Variants in LRP3 observed in about 807,000 individuals in gnomAD.
LRP3 encodes the protein low-density lipoprotein receptor-related protein 3.
Under a neutral mutation model 58.5 loss-of-function variants are expected in LRP3, and 49 were observed. The ratio of observed to expected loss-of-function variants is 0.84; its 90% CI spans 0.67 to 1.06. The LOEUF is 1.06. Ranked by LOEUF, LRP3 falls within the 50% of genes least tolerant of loss-of-function variation. The pLI is 0.00. For synonymous variants in LRP3, 485 were observed against 492.2 expected (o/e 0.99, Z 0.20); for missense variants, 1,019 against 1,134.2 (o/e 0.90, Z 1.46).
At position 33,208,460 on chromosome 19, in the gene LRP3, C is replaced by T; in HGVS notation, c.*885C>T. The T allele has an allele frequency of 3.9e-6, 1 of 257,484 alleles. No homozygotes were observed. The highest frequency in any genetic ancestry group is 7.6e-6 in the Non-Finnish European group (1 of 131,836). 15.9% of individuals were successfully genotyped at this position (257,484 alleles called of 1,614,324 possible). On this transcript the variant is annotated 3_prime_UTR_variant, in exon 7 of 7. Transcript: ENST00000253193. The surrounding 1 kb of genome is among the most constrained non-coding windows in gnomAD (Gnocchi z 4.7). ...GGTAGGGGCGGACTGAGCTGCTACC[C>T]CATCCTCGACATCCCTTTAGGGCAG...
At chr19:33,201,901 G>A (rs1974345116) in intron 2 of LRP3, among the ~76,000 whole-genome samples, 1 of 152,160 alleles carries the variant, frequency 6.6e-6, no homozygotes, top group South Asian at 2.1e-4. Context: ...TTAAAGCGAG[G>A]CCCATGGGGC....
In LRP3 at chr19:33,207,752, C is replaced by CCG; in HGVS notation, c.*177_*178insCG. ...GGGCGGGAGCTGTGGGACTGAACGG[C>CCG]GGGGGGGAGAAGAGTGGAGTGGTGA... is the stretch of plus-strand genomic sequence containing the variant. On this transcript the variant is annotated 3_prime_UTR_variant, in exon 7 of 7. Coordinates refer to ENST00000253193, the MANE Select transcript of LRP3 (RefSeq NM_002333.4). 3 of 563,292 alleles carry CCG rather than the reference C, an allele frequency of 5.3e-6. No individual in the cohort carries two copies. The highest frequency in any genetic ancestry group is 3.2e-5 in the Admixed American group (1 of 31,060). 34.9% of individuals were successfully genotyped at this position (563,292 alleles called of 1,614,324 possible).
At chr19:33,206,394 GCTT>G in intron 5 of LRP3, 32 bp downstream of exon 5, 4 of 1,601,514 alleles carry the variant, frequency 2.5e-6, no homozygotes, top group Non-Finnish European at 3.4e-6. Flanking sequence ...AGGGGACCGG[GCTT>G]CTTCATCACC....
rs75403729 is a variant in LRP3, at chr19:33,203,091, G to T, written c.260+105G>T. The T allele has an allele frequency of 1.0e-3, 1,335 of 1,330,752 alleles. 29 individuals are homozygous for T. The East Asian group carries it at 0.028, about 27-fold the overall frequency. The allele number at this position is 1,330,752 out of a possible 1,614,324, so 82.4% of individuals were successfully genotyped here. On this transcript the variant is annotated intron_variant, in intron 3 of 6. Coordinates refer to ENST00000253193, the MANE Select transcript of LRP3 (RefSeq NM_002333.4). The stretch of plus-strand genomic sequence containing the variant: ...AGGTGTGGAGGGCACACGCCTGAGG[G>T]TGTACATGTGTGTGAGCAGGTGTGG...
At chr19:33,204,956 T>A in intron 4 of LRP3, 104 bp downstream of exon 4, 1 of 1,095,554 alleles carries the variant, frequency 9.1e-7, no homozygotes, top group East Asian at 2.5e-5. Flanking sequence ...CCCGGCTCCC[T>A]GTGGGATGTC....
intron 4 of LRP3, 49 bp downstream of exon 4, chr19:33,204,901 TGCCCACAGGCTCCCG>T: frequency 6.4e-7 from 1 of 1,560,196 alleles, no homozygotes; most frequent in Middle Eastern, 1.7e-4. Flanking sequence ...ACACCGTGCA[TGCCCACAGGCTCCCG>T]GCCCACAGGG....
Position 33,205,279 on chromosome 19 carries a change from A to C in LRP3, c.509A>C (p.Glu170Ala). ...KLGQASCQAD[E>A]FRCDNGKCLP... ...GGCCAGGCATCCTGCCAGGCAGATG[A>C]GTTCCGCTGTGACAACGGCAAGTGC... Residue 170 changes from glutamate (E) to alanine (A), a missense_variant, in exon 5 of 7, where the codon GAG becomes GCG. Glu to Ala is a moderately radical substitution (Grantham distance 107, BLOSUM62 -1). Transcript: ENST00000253193. The C allele has an allele frequency of 6.2e-7, 1 of 1,610,372 alleles. No homozygotes were observed. Among genetic ancestry groups the C allele is most frequent in the Non-Finnish European group, 8.5e-7 (1 of 1,178,870 alleles).
chr19:33,200,726 C>G (rs764251108), intron 2 of LRP3, among the ~76,000 whole-genome samples: 17 of 152,198 alleles, frequency 1.1e-4, no homozygotes, highest in Non-Finnish European at 2.1e-4. Flanking sequence ...TGGCTGGGAG[C>G]AGGGTGTACA....
chr19:33,203,233 TGTG>T (rs1283792846), intron 3 of LRP3, among the ~76,000 whole-genome samples: 12 of 150,418 alleles, frequency 8.0e-5, no homozygotes, highest in Non-Finnish European at 1.8e-4. Context: ...TGCATGCAGA[TGTG>T]TGTGTGTGAG....
In LRP3 at chr19:33,196,925, A is replaced by G. The variant is rs554816788; in HGVS notation, c.121+148A>G. The stretch of plus-strand genomic sequence containing the variant: ...ACAAAGGAGCTGTTTGGCTTTGGAC[A>G]GGCTTCAACTTGTCTGAGCCTCAGT... On this transcript the variant is annotated intron_variant, in intron 2 of 6. Coordinates refer to ENST00000253193, the MANE Select transcript of LRP3 (RefSeq NM_002333.4). 45 of 736,860 alleles carry G rather than the reference A, an allele frequency of 6.1e-5. No homozygotes were observed. In the East Asian group the frequency reaches 1.1e-3, roughly 18 times the overall value. 45.6% of individuals were successfully genotyped at this position (736,860 alleles called of 1,614,324 possible).
In LRP3 at chr19:33,206,624, G is replaced by A. The variant is rs144933166; in HGVS notation, c.1616G>A (p.Arg539His). The A allele has an allele frequency of 1.2e-5, 20 of 1,607,460 alleles. No homozygotes were observed. Among genetic ancestry groups the A allele is most frequent in the African/African-American group, 6.7e-5 (5 of 74,622 alleles). ...AGGGCCTTCGAGACCCAGATGACGC[G>A]CCTGGAGGCTGAGTTCGTGCGGCGG... ...EYRAFETQMT[R>H]LEAEFVRREA... Residue 539 changes from arginine to histidine, a missense_variant, in exon 6 of 7, where the codon CGC (arginine) becomes CAC (histidine). Coordinates refer to ENST00000253193, the MANE Select transcript of LRP3 (RefSeq NM_002333.4).
rs1974262491 is a variant in LRP3 at position 33,194,456 on chromosome 19, G to A, written c.-330G>A. On this transcript the variant is annotated 5_prime_UTR_variant, in exon 1 of 7. Coordinates refer to ENST00000253193, the MANE Select transcript of LRP3 (RefSeq NM_002333.4). ...GGGCATGGGCGCGCCGGGGGTCCCC[G>A]GGCCCAGGCCGGCCGCGGCGGGGCT... is the stretch of plus-strand genomic sequence containing the variant. 6.9e-6 allele frequency: 1 copy of A among 144,310 alleles called. No individual in the cohort carries two copies. Among genetic ancestry groups the A allele is most frequent in the South Asian group, 2.1e-4 (1 of 4,762 alleles). The allele number at this position is 144,310 out of a possible 1,614,324, so 8.9% of individuals were successfully genotyped here.
chr19:33,204,815 C>T lies in LRP3; in HGVS notation c.438C>T (p.Ser146=), dbSNP rs769459313. Reference sequence around the variant, plus strand: ...TCTTCCACTCAGACGCCTCCAGCTCCGGCCAGGCCCAGGGCTTCCGTCTGT... The same window carrying T: ...TCTTCCACTCAGACGCCTCCAGCTCTGGCCAGGCCCAGGGCTTCCGTCTGT... ...WIFFHSDASS[S]GQAQGFRLSY... is the part of the protein sequence containing the mutation. The change falls in exon 4 of 7, where the codon TCC becomes TCT. Residue 146 remains serine, a synonymous_variant. Coordinates refer to ENST00000253193, the MANE Select transcript of LRP3 (RefSeq NM_002333.4). The T allele has an allele frequency of 2.1e-5, 34 of 1,613,478 alleles. No individual in the cohort carries two copies. The highest frequency in any genetic ancestry group is 9.3e-5 in the African/African-American group (7 of 74,942).
intron 2 of LRP3, among the ~76,000 whole-genome samples, chr19:33,200,648 G>A (rs1974332379): frequency 6.6e-6 from 1 of 152,198 alleles, no homozygotes; most frequent in African/African-American, 2.4e-5. Context: ...CTGGGGCCGG[G>A]GCCACTTTGC....
intron 1 of LRP3, 25 bp downstream of exon 1, chr19:33,194,883 A>G (rs1273214731): frequency 1.9e-6 from 2 of 1,032,674 alleles, no homozygotes; most frequent in Non-Finnish European, 2.3e-6. Flanking sequence ...CGGGCCGGGC[A>G]GGTCCGGGTC....
rs761412965 is a variant in LRP3 at position 33,205,314 on chromosome 19, C to G, written c.544C>G (p.Pro182Ala). ...RCDNGKCLPG[P>A]WQCNTVDECG... is the part of the protein sequence containing the mutation. ...TGACAACGGCAAGTGCCTGCCCGGC[C>G]CGTGGCAGTGCAACACGGTGGACGA... is the stretch of plus-strand genomic sequence containing the variant. The change falls in exon 5 of 7, where the codon CCG becomes GCG. Residue 182 changes from proline (P) to alanine (A), a missense_variant. By Grantham distance (27) the Pro-to-Ala change is conservative. Coordinates refer to ENST00000253193, the MANE Select transcript of LRP3 (RefSeq NM_002333.4). The G allele has an allele frequency of 7.4e-6, 12 of 1,611,988 alleles. No individual in the cohort carries two copies. The highest frequency in any genetic ancestry group is 1.3e-5 in the African/African-American group (1 of 74,930).
At chr19:33,199,516 C>T (rs1257629681) in intron 2 of LRP3, among the ~76,000 whole-genome samples, 2 of 151,874 alleles carry the variant, frequency 1.3e-5, no homozygotes, top group Non-Finnish European at 2.9e-5. Flanking sequence ...GAACTTGCAG[C>T]TCCCTGCACA....
At chr19:33,199,007 T>G (rs1213631870) in intron 2 of LRP3, among the ~76,000 whole-genome samples, 1 of 152,180 alleles carries the variant, frequency 6.6e-6, no homozygotes, top group Non-Finnish European at 1.5e-5. Context: ...ACCTGGTCAT[T>G]CCTTCCCTAC....
rs1317409607 is a variant in LRP3, at chr19:33,196,743, C to T, written c.87C>T (p.Leu29=). Residue 29 remains leucine (L), a synonymous_variant, in exon 2 of 7, where the codon CTC becomes CTT. Coordinates refer to ENST00000253193, the MANE Select transcript of LRP3 (RefSeq NM_002333.4). ...TATCTCCCACAGTGAACATCTTTCT[C>T]ACCGGGAGACTCAGCAGTGCGGTTC... ...LAVVCLVNIF[L]TGRLSSAVPA... 6.2e-7 allele frequency: 1 copy of T among 1,614,170 alleles called. No individual in the cohort carries two copies.
Sources: allele counts gnomAD v4.1 joint callset (sites outside exome capture counted in the v4.1 genomes callset), GRCh38; gene constraint gnomAD v4.1.1; non-coding constraint Gnocchi (gnomAD v3.1); transcripts MANE v1.5; gene names NCBI Gene and HGNC (gene_info 2026-07-23, HGNC 2026-07-21).